PIK3R3: variants seen among roughly 807,000 people sequenced by gnomAD.
The protein encoded by PIK3R3 is phosphoinositide-3-kinase regulatory subunit 3.
In PIK3R3, 64 loss-of-function variants were observed where a neutral mutation model predicts 62.9. The observed-to-expected ratio is 1.02, with a 90% CI of 0.83 to 1.25. The LOEUF is 1.25. Among genes scored for constraint, PIK3R3 ranks in the 50% most tolerant of loss-of-function variants. The pLI is 0.00. For missense variants in PIK3R3, 614 were observed against 561.6 expected (o/e 1.09, Z -0.94); for synonymous variants, 165 against 189.0 (o/e 0.87, Z 1.04).
intron 6 of PIK3R3, among the ~76,000 whole-genome samples, chr1:46,058,054 G>A (rs114050039): frequency 0.033 from 5,058 of 152,312 alleles, 285 homozygotes; most frequent in African/African-American, 0.12. Context: ...TGAGCTGTGT[G>A]CAGCCTAGAG....
chr1:46,053,363 T>C (rs1340279954), intron 7 of PIK3R3, among the ~76,000 whole-genome samples: 2 of 152,158 alleles, frequency 1.3e-5, no homozygotes, highest in African/African-American at 2.4e-5. Flanking sequence ...ATACAACCCA[T>C]TAAAGAAACT....
Position 46,042,120 on chromosome 1 carries a change from G to T in PIK3R3, c.*1553C>A, listed in dbSNP as rs1351562331. The T allele has an allele frequency of 9.1e-6, 2 of 220,608 alleles. No individual in the cohort carries two copies. Among genetic ancestry groups the T allele is most frequent in the East Asian group, 1.3e-4 (2 of 15,160 alleles). 13.7% of individuals were successfully genotyped at this position (220,608 alleles called of 1,614,324 possible). Reference sequence around the variant, plus strand: ...TGAGCCTATTATGGTCCCAGGATTGGCTCAGAGGCAGCTGGACTCTATTTG... The same window carrying T: ...TGAGCCTATTATGGTCCCAGGATTGTCTCAGAGGCAGCTGGACTCTATTTG... On this transcript the variant is annotated 3_prime_UTR_variant, in exon 10 of 10. Coordinates refer to ENST00000262741, the MANE Select transcript of PIK3R3 (RefSeq NM_003629.4). The surrounding 1 kb of genome is among the most constrained non-coding windows in gnomAD (Gnocchi z 4.3).
At chr1:46,049,542 G>A (rs1647203879) in intron 7 of PIK3R3, among the ~76,000 whole-genome samples, 1 of 152,238 alleles carries the variant, frequency 6.6e-6, no homozygotes. Flanking sequence ...TGCAGCATCT[G>A]TTGGTAGCCA....
At position 46,043,508 on chromosome 1, in the gene PIK3R3, A is replaced by G; in HGVS notation, c.*165T>C. On this transcript the variant is annotated 3_prime_UTR_variant, in exon 10 of 10. Transcript: ENST00000262741. ...GAGTCCTAGAGAACCTCAGGCCTCT[A>G]ATGCCCCCATCCCGGCCGGCTGCTG... The G allele has an allele frequency of 1.6e-6, 1 of 624,946 alleles. No individual in the cohort carries two copies. The highest frequency in any genetic ancestry group is 2.8e-6 in the Non-Finnish European group (1 of 352,718). 38.7% of individuals were successfully genotyped at this position (624,946 alleles called of 1,614,324 possible).
At chr1:46,058,648 T>G (rs1479883081) in intron 6 of PIK3R3, among the ~76,000 whole-genome samples, 1 of 152,248 alleles carries the variant, frequency 6.6e-6, no homozygotes, top group Non-Finnish European at 1.5e-5. Flanking sequence ...ATTTCAGACT[T>G]GCATGGACCC....
chr1:46,135,820 G>A (rs1655909120), upstream of PIK3R3, among the ~76,000 whole-genome samples: 1 of 151,950 alleles, frequency 6.6e-6, no homozygotes, highest in African/African-American at 2.4e-5. Context: ...TCACGAGGTC[G>A]GGAGTTTGAG....
chr1:46,085,369 G>A (rs891320720), intron 1 of PIK3R3, among the ~76,000 whole-genome samples: 2 of 152,070 alleles, frequency 1.3e-5, no homozygotes, highest in Non-Finnish European at 2.9e-5. Flanking sequence ...CATACATATG[G>A]ACTTTATAAT....
chr1:46,092,542 T>G (rs2149430547), intron 1 of PIK3R3, among the ~76,000 whole-genome samples: 1 of 152,250 alleles, frequency 6.6e-6, no homozygotes, highest in South Asian at 2.1e-4. Flanking sequence ...TTTTTGTATT[T>G]TTAGTAGAGA....
intron 1 of PIK3R3, among the ~76,000 whole-genome samples, chr1:46,084,124 C>T (rs140781601): frequency 6.3e-4 from 96 of 152,154 alleles, no homozygotes; most frequent in African/African-American, 2.2e-3. Flanking sequence ...ACAACATGGA[C>T]GAATCTGAAA....
the PIK3R3 span, among the ~76,000 whole-genome samples, chr1:46,160,047 C>T: frequency 6.6e-6 from 1 of 152,266 alleles, no homozygotes; most frequent in South Asian, 2.1e-4. Context: ...AGTTCTTTAG[C>T]CTCTCCTTTT....
chr1:46,137,609 C>T (rs1655976620), upstream of PIK3R3, among the ~76,000 whole-genome samples: 1 of 152,222 alleles, frequency 6.6e-6, no homozygotes, highest in African/African-American at 2.4e-5. Context: ...ACATTGTGCT[C>T]ACACAGACCC....
chr1:46,118,056 AC>A (rs1482991176), intron 1 of PIK3R3, among the ~76,000 whole-genome samples: 3 of 152,232 alleles, frequency 2.0e-5, no homozygotes, highest in African/African-American at 7.2e-5. Context: ...AGCCTGGGCA[AC>A]ACAGCAAGAC....
At chr1:46,115,399 A>T (rs1426396853) in intron 1 of PIK3R3, among the ~76,000 whole-genome samples, 2 of 152,212 alleles carry the variant, frequency 1.3e-5, no homozygotes, top group Non-Finnish European at 2.9e-5. Context: ...CTTAAACACC[A>T]TAGAAAATGT....
the PIK3R3 span, among the ~76,000 whole-genome samples, chr1:46,149,801 G>A: frequency 6.6e-6 from 1 of 152,180 alleles, no homozygotes; most frequent in Admixed American, 6.5e-5. Context: ...AAAATGCTGG[G>A]ATTACAGGCC....
chr1:46,173,846 C>A, the PIK3R3 span, among the ~76,000 whole-genome samples: 3 of 152,164 alleles, frequency 2.0e-5, no homozygotes, highest in Admixed American at 6.5e-5. Flanking sequence ...CACACAGACA[C>A]AAGTGTGGGC....
chr1:46,119,376 C>T (rs145447724), intron 1 of PIK3R3, among the ~76,000 whole-genome samples: 3 of 152,086 alleles, frequency 2.0e-5, no homozygotes, highest in Non-Finnish European at 4.4e-5. Context: ...TCCTCATAAC[C>T]CTATTGAATG....
intron 9 of PIK3R3, among the ~76,000 whole-genome samples, 195 bp downstream of exon 9, chr1:46,045,723 G>A (rs1162057541): frequency 1.5e-5 from 2 of 135,792 alleles, no homozygotes; most frequent in South Asian, 2.3e-4. Context: ...TACTTACCAC[G>A]TAAATTAAAA....
At position 46,051,854 on chromosome 1, in the gene PIK3R3, T is replaced by C. The variant is rs143608562; in HGVS notation, c.941+3941A>G. Among the ~76,000 whole-genome samples the C allele has an allele frequency of 7.4e-4, 113 of 152,264 alleles. 1 individual carries two copies. The East Asian group carries it at 0.012, about 16-fold the overall frequency. On this transcript the variant is annotated intron_variant, in intron 7 of 9. Coordinates refer to ENST00000262741, the MANE Select transcript of PIK3R3 (RefSeq NM_003629.4). ...TACCTGTGATCATTTAATTTATAAA[T>C]TAAGCATAGTAAGGGATTAACAAAA...
intron 3 of PIK3R3, among the ~76,000 whole-genome samples, chr1:46,070,635 G>A (rs1026706146): frequency 2.5e-4 from 38 of 152,206 alleles, no homozygotes; most frequent in African/African-American, 8.9e-4. Context: ...ATGTGGTCAC[G>A]TCCCCTTCTC....
Sources: allele counts gnomAD v4.1 joint callset (sites outside exome capture counted in the v4.1 genomes callset), GRCh38; gene constraint gnomAD v4.1.1; non-coding constraint Gnocchi (gnomAD v3.1); transcripts MANE v1.5; gene names NCBI Gene and HGNC (gene_info 2026-07-23, HGNC 2026-07-21).